The following UBASH3B variants were observed in gnomAD, a reference collection of about 807,000 sequenced individuals.
UBASH3B encodes the protein ubiquitin associated and SH3 domain containing B, also known as ubiquitin-associated and SH3 domain-containing protein B.
In UBASH3B, 37 loss-of-function variants were observed where a neutral mutation model predicts 83.4. The observed-to-expected ratio is 0.44, with a 90% CI of 0.34 to 0.58. The LOEUF (loss-of-function observed/expected upper bound fraction) is 0.58, where lower values mean the gene tolerates loss of function less well. UBASH3B is among the 20% of genes least tolerant of loss of function. The pLI is 0.01. For synonymous variants in UBASH3B, 304 were observed against 318.3 expected (o/e 0.96, Z 0.48); for missense variants, 657 against 827.2 (o/e 0.79, Z 2.52).
intron 1 of UBASH3B, among the ~76,000 whole-genome samples, chr11:122,715,630 C>T (rs1860510497): frequency 6.6e-6 from 1 of 152,322 alleles, no homozygotes; most frequent in Admixed American, 6.5e-5. Flanking sequence ...CTATTCTCTC[C>T]ACCCATCTGT....
intron 8 of UBASH3B, 51 bp downstream of exon 8, chr11:122,796,327 A>G (rs747765257): frequency 6.3e-7 from 1 of 1,598,984 alleles, no homozygotes; most frequent in South Asian, 1.1e-5. Context: ...AGTGGCCTCT[A>G]GGCGGCACAG....
At chr11:122,667,065 A>G (rs771440338) in intron 1 of UBASH3B, among the ~76,000 whole-genome samples, 7 of 138,162 alleles carry the variant, frequency 5.1e-5, no homozygotes, top group Non-Finnish European at 9.2e-5. Context: ...TTTTTTTGAG[A>G]AAGAGTCTCA....
intron 1 of UBASH3B, among the ~76,000 whole-genome samples, chr11:122,775,147 A>G (rs1860711903): frequency 6.6e-6 from 1 of 152,258 alleles, no homozygotes; most frequent in African/African-American, 2.4e-5. Flanking sequence ...CTGACAAAAT[A>G]GTTGAGATTC....
At chr11:122,723,006 A>G (rs989356782) in intron 1 of UBASH3B, among the ~76,000 whole-genome samples, 6 of 152,168 alleles carry the variant, frequency 3.9e-5, no homozygotes, top group Non-Finnish European at 7.4e-5. Flanking sequence ...CGCCCGGCCC[A>G]GACCTGGTAT....
intron 1 of UBASH3B, among the ~76,000 whole-genome samples, chr11:122,698,538 G>A (rs7929077): frequency 0.46 from 69,971 of 151,954 alleles, 16,339 homozygotes; most frequent in Middle Eastern, 0.52. Flanking sequence ...AATGAAAACT[G>A]CACTCACAGT....
chr11:122,735,364 G>C (rs1860915225), intron 1 of UBASH3B, among the ~76,000 whole-genome samples: 1 of 152,138 alleles, frequency 6.6e-6, no homozygotes, highest in African/African-American at 2.4e-5. Flanking sequence ...TTCCTAACCA[G>C]AACAGCTTGT....
At chr11:122,755,211 T>A (rs1861264055) in intron 1 of UBASH3B, among the ~76,000 whole-genome samples, 1 of 152,144 alleles carries the variant, frequency 6.6e-6, no homozygotes, top group Non-Finnish European at 1.5e-5. Flanking sequence ...ATACCCACTG[T>A]CATTCTCACA....
chr11:122,749,764 G>A (rs912981975), intron 1 of UBASH3B, among the ~76,000 whole-genome samples: 3 of 152,064 alleles, frequency 2.0e-5, no homozygotes, highest in African/African-American at 4.8e-5. Flanking sequence ...ACAGAGTCTC[G>A]CTCTGTCCCC....
At chr11:122,694,732 G>T (rs1863940102) in intron 1 of UBASH3B, among the ~76,000 whole-genome samples, 1 of 151,922 alleles carries the variant, frequency 6.6e-6, no homozygotes, top group African/African-American at 2.4e-5. Flanking sequence ...AAGTTTTAAG[G>T]GTTTTAAGCA....
chr11:122,750,359 G>A (rs970916770), intron 1 of UBASH3B, among the ~76,000 whole-genome samples: 3 of 152,168 alleles, frequency 2.0e-5, no homozygotes, highest in Non-Finnish European at 4.4e-5. Flanking sequence ...AACCGGGAGG[G>A]ACACACTCAA....
intron 1 of UBASH3B, among the ~76,000 whole-genome samples, chr11:122,673,581 C>T (rs546297426): frequency 7.2e-4 from 110 of 152,238 alleles, no homozygotes; most frequent in African/African-American, 2.4e-3. Context: ...ATGGCGTGAA[C>T]CCGGGAGGCA....
At chr11:122,720,886 AT>A (rs199519343) in intron 1 of UBASH3B, among the ~76,000 whole-genome samples, 58 of 149,708 alleles carry the variant, frequency 3.9e-4, no homozygotes, top group Non-Finnish European at 4.9e-4. Context: ...AAATCTTTGT[AT>A]TTTTTTTTTC....
intron 1 of UBASH3B, among the ~76,000 whole-genome samples, chr11:122,761,177 A>T (rs1861365116): frequency 6.6e-6 from 1 of 152,188 alleles, no homozygotes; most frequent in African/African-American, 2.4e-5. Context: ...TCTCCTTGGA[A>T]GGTCTTCTCA....
intron 1 of UBASH3B, among the ~76,000 whole-genome samples, chr11:122,749,814 C>T (rs749712740): frequency 1.3e-5 from 2 of 152,190 alleles, no homozygotes; most frequent in African/African-American, 4.8e-5. Context: ...CTCACTGCAA[C>T]CTCCGCCTTC....
intron 1 of UBASH3B, among the ~76,000 whole-genome samples, chr11:122,713,414 G>T (rs1864226606): frequency 6.6e-6 from 1 of 152,138 alleles, no homozygotes; most frequent in Admixed American, 6.5e-5. Context: ...ACCTGAGGAA[G>T]GTGGGAAGTT....
intron 1 of UBASH3B, among the ~76,000 whole-genome samples, chr11:122,754,013 C>CT (rs1861244590): frequency 6.6e-6 from 1 of 152,118 alleles, no homozygotes; most frequent in Non-Finnish European, 1.5e-5. Context: ...TCTGCACTCT[C>CT]TGACATGGTA....
At chr11:122,690,236 T>TATA (rs1863875878) in intron 1 of UBASH3B, among the ~76,000 whole-genome samples, 6 of 76,808 alleles carry the variant, frequency 7.8e-5, no homozygotes, top group Non-Finnish European at 8.3e-5. Flanking sequence ...ATATCCAATT[T>TATA]TATATATATA....
chr11:122,660,009 C>T lies in UBASH3B; in HGVS notation c.161+3799C>T, dbSNP rs534935884. On this transcript the variant is annotated intron_variant, in intron 1 of 13. Transcript: ENST00000284273. ...GTGGTCTTGCAAAAGTCACTTAGTC[C>T]CCTCAGGGCCATGCTGTTGCCCTCT... is the stretch of plus-strand genomic sequence containing the variant. Among the ~76,000 whole-genome samples, 10 of 152,286 alleles carry T rather than the reference C, an allele frequency of 6.6e-5. No homozygotes were observed. In the East Asian group the frequency reaches 1.9e-3, roughly 29 times the overall value.
chr11:122,717,715 T>C (rs1860548854), intron 1 of UBASH3B, among the ~76,000 whole-genome samples: 1 of 152,092 alleles, frequency 6.6e-6, no homozygotes, highest in African/African-American at 2.4e-5. Context: ...TTCTCGTTGT[T>C]CTCCAGGAAC....
Sources: allele counts gnomAD v4.1 joint callset (sites outside exome capture counted in the v4.1 genomes callset), GRCh38; gene constraint gnomAD v4.1.1; transcripts MANE v1.5; gene names NCBI Gene and HGNC (gene_info 2026-07-23, HGNC 2026-07-21).